Variants in KCNIP4 observed in about 807,000 individuals in gnomAD.
The protein encoded by KCNIP4 is Kv channel-interacting protein 4.
A neutral mutation model predicts 34.0 loss-of-function variants in KCNIP4; 12 were observed. The ratio of observed to expected loss-of-function variants is 0.35; its 90% CI spans 0.23 to 0.57. The LOEUF is 0.57. Ranked by LOEUF, KCNIP4 falls within the 20% of genes least tolerant of loss-of-function variation. The pLI, the probability that KCNIP4 is intolerant of heterozygous loss-of-function variation, is 0.83. For missense variants in KCNIP4, 238 were observed against 311.7 expected, an observed-to-expected ratio of 0.76 and a Z score of 1.78; for synonymous variants, 124 against 102.2, an observed-to-expected ratio of 1.21 and a Z score of -1.29.
chr4:21,289,228 T>G (rs1220964239), intron 1 of KCNIP4, among the ~76,000 whole-genome samples: 1 of 152,228 alleles, frequency 6.6e-6, no homozygotes, highest in Non-Finnish European at 1.5e-5. Context: ...ATATAATGTG[T>G]AATGATTCAA....
At chr4:20,793,453 T>C (rs1713035002) in intron 3 of KCNIP4, among the ~76,000 whole-genome samples, 1 of 152,100 alleles carries the variant, frequency 6.6e-6, no homozygotes, top group South Asian at 2.1e-4. Flanking sequence ...TTAACAGTGA[T>C]GGATGTTTTA....
intron 1 of KCNIP4, among the ~76,000 whole-genome samples, chr4:21,531,340 C>T (rs145854305): frequency 0.15 from 10,057 of 66,126 alleles, 948 homozygotes; most frequent in East Asian, 0.51. Flanking sequence ...TCCCTCCCTT[C>T]CCCTCCCCCT....
At chr4:21,310,156 C>T (rs935862619) in intron 1 of KCNIP4, among the ~76,000 whole-genome samples, 13 of 152,120 alleles carry the variant, frequency 8.5e-5, no homozygotes, top group African/African-American at 3.1e-4. Context: ...TCTCAGCCTC[C>T]CGAGTAGCTG....
intron 1 of KCNIP4, among the ~76,000 whole-genome samples, chr4:21,515,867 C>G (rs1324110749): frequency 6.6e-6 from 1 of 152,182 alleles, no homozygotes; most frequent in East Asian, 1.9e-4. Flanking sequence ...CAGCCTTGGA[C>G]TTCCAGACTT....
intron 1 of KCNIP4, among the ~76,000 whole-genome samples, chr4:20,883,117 G>A (rs16870168): frequency 0.21 from 31,550 of 150,680 alleles, 3,524 homozygotes; most frequent in South Asian, 0.35. Flanking sequence ...GGGCCCACAT[G>A]ACAATTTTCT....
intron 1 of KCNIP4, among the ~76,000 whole-genome samples, chr4:21,562,861 A>G (rs564622608): frequency 6.6e-6 from 1 of 152,180 alleles, no homozygotes; most frequent in African/African-American, 2.4e-5. Flanking sequence ...TACCAAAGTG[A>G]ACAAAAATAC....
At chr4:21,446,196 A>C (rs1377253873) in intron 1 of KCNIP4, among the ~76,000 whole-genome samples, 4 of 152,116 alleles carry the variant, frequency 2.6e-5, no homozygotes, top group Non-Finnish European at 5.9e-5. Context: ...CTAGTTCAAC[A>C]ATTGTGGAAG....
At chr4:21,057,956 G>A (rs1743568606) in intron 1 of KCNIP4, among the ~76,000 whole-genome samples, 1 of 152,068 alleles carries the variant, frequency 6.6e-6, no homozygotes, top group Non-Finnish European at 1.5e-5. Flanking sequence ...AAGAGTTCAG[G>A]CAATGCATGC....
At chr4:21,137,893 A>C (rs1248644059) in intron 1 of KCNIP4, among the ~76,000 whole-genome samples, 1 of 38,186 alleles carries the variant, frequency 2.6e-5, no homozygotes, top group Admixed American at 2.0e-4. Flanking sequence ...TTTTTTTTTG[A>C]TGGAGTCTTG....
Position 20,868,185 on chromosome 4 carries a change from AG to A in KCNIP4, c.163+14422del, listed in dbSNP as rs1723062614. ...AATAACCCCCTTTAAAAACGGGCAA[AG>A]GACATGAATCAACATTTCTCAAAAG... On this transcript the variant is annotated intron_variant, in intron 2 of 8. Coordinates refer to ENST00000382152, the MANE Select transcript of KCNIP4 (RefSeq NM_025221.6). Among the ~76,000 whole-genome samples, 2 of 152,078 alleles carry A rather than the reference AG, an allele frequency of 1.3e-5. 1 individual carries two copies. Among genetic ancestry groups the A allele is most frequent in the South Asian group, 4.2e-4 (2 of 4,818 alleles).
intron 1 of KCNIP4, among the ~76,000 whole-genome samples, chr4:21,376,408 C>T (rs1720965562): frequency 6.6e-6 from 1 of 152,164 alleles, no homozygotes; most frequent in African/African-American, 2.4e-5. Flanking sequence ...ATTGCCAGCC[C>T]CGTAAGCCTA....
At chr4:20,925,172 G>A (rs777429560) in intron 1 of KCNIP4, among the ~76,000 whole-genome samples, 6 of 152,082 alleles carry the variant, frequency 3.9e-5, no homozygotes, top group African/African-American at 7.2e-5. Flanking sequence ...CCACATACCC[G>A]CTCGGTGAGG....
chr4:21,225,471 G>A (rs1158183784), intron 1 of KCNIP4, among the ~76,000 whole-genome samples: 1 of 152,018 alleles, frequency 6.6e-6, no homozygotes, highest in African/African-American at 2.4e-5. Flanking sequence ...CCATAGTTAT[G>A]GATCAATATA....
At position 21,528,512 on chromosome 4, in the gene KCNIP4, C is replaced by G. The variant is rs917110020; in HGVS notation, c.61+420059G>C. 2.0e-5 allele frequency among the ~76,000 whole-genome samples: 3 copies of G among 151,360 alleles called. No homozygotes were observed. In the Admixed American group the frequency reaches 2.0e-4, roughly 10 times the overall value. On this transcript the variant is annotated intron_variant, in intron 1 of 8. Coordinates refer to ENST00000382152, the MANE Select transcript of KCNIP4 (RefSeq NM_025221.6). The stretch of plus-strand genomic sequence containing the variant: ...TGAAACCCTGTCTCTACCAAAAATA[C>G]AAAAATTAGCTGGGTGTGGTGGCGG...
Position 21,714,913 on chromosome 4 carries a change from T to C in KCNIP4, c.61+233658A>G, listed in dbSNP as rs1714137930. 8.8e-3 allele frequency among the ~76,000 whole-genome samples: 2 copies of C among 226 alleles called. 1 individual carries two copies. The highest frequency in any genetic ancestry group is 0.2 in the African/African-American group (2 of 10). The allele number at this position is 226 out of a possible 152,430, so 0.1% of individuals were successfully genotyped here. On this transcript the variant is annotated intron_variant, in intron 1 of 8. Transcript: ENST00000382152. Reference sequence around the variant, plus strand: ...TATTTTATTTTATTTTATTTTATTTTATTTTATTTTATTTTATTTTATTTT... The same window carrying C: ...TATTTTATTTTATTTTATTTTATTTCATTTTATTTTATTTTATTTTATTTT...
At chr4:21,870,556 C>T (rs952541376) in intron 1 of KCNIP4, among the ~76,000 whole-genome samples, 2 of 152,200 alleles carry the variant, frequency 1.3e-5, no homozygotes, top group African/African-American at 4.8e-5. Context: ...GCATACTTGA[C>T]CTCATCAGTA....
chr4:20,975,560 C>A lies in KCNIP4; in HGVS notation c.62-92851G>T, dbSNP rs147713271. On this transcript the variant is annotated intron_variant, in intron 1 of 8. Transcript: ENST00000382152. Reference sequence around the variant, plus strand: ...AAAGGAAGTCATTTTATTGAAAAAACGCATGTGTTAATTCAAATCACTTGA... The same window carrying A: ...AAAGGAAGTCATTTTATTGAAAAAAAGCATGTGTTAATTCAAATCACTTGA... 3.8e-3 allele frequency among the ~76,000 whole-genome samples: 584 copies of A among 152,206 alleles called. 4 individuals are homozygous for A. The highest frequency in any genetic ancestry group is 0.013 in the African/African-American group (546 of 41,530).
At chr4:21,764,488 A>G (rs1718272310) in intron 1 of KCNIP4, among the ~76,000 whole-genome samples, 2 of 152,176 alleles carry the variant, frequency 1.3e-5, no homozygotes, top group African/African-American at 2.4e-5. Context: ...AAATATTTAT[A>G]TAAAAATGAA....
At chr4:20,978,446 C>G (rs1735694098) in intron 1 of KCNIP4, among the ~76,000 whole-genome samples, 1 of 152,158 alleles carries the variant, frequency 6.6e-6, no homozygotes, top group Non-Finnish European at 1.5e-5. Context: ...CTGTGCTAAA[C>G]AGCAAGGATA....
Sources: allele counts gnomAD v4.1 joint callset (sites outside exome capture counted in the v4.1 genomes callset), GRCh38; gene constraint gnomAD v4.1.1; transcripts MANE v1.5; gene names NCBI Gene and HGNC (gene_info 2026-07-23, HGNC 2026-07-21).